RSPH10B2: variants seen among roughly 807,000 people sequenced by gnomAD.
RSPH10B2 encodes the protein radial spoke head 10 homolog B2 (Chlamydomonas).
A neutral mutation model predicts 49.0 loss-of-function variants in RSPH10B2; 9 were observed. That is an observed-to-expected ratio of 0.18 (90% CI 0.11 to 0.32). The LOEUF is 0.32. Ranked by LOEUF, RSPH10B2 falls within the 10% of genes least tolerant of loss-of-function variation. The pLI, the probability that RSPH10B2 is intolerant of heterozygous loss-of-function variation, is 1.00. For missense variants in RSPH10B2, 95 were observed against 589.9 expected (o/e 0.16, Z 8.69); for synonymous variants, 35 against 210.2 (o/e 0.17, Z 7.21).
At chr7:6,797,499 G>A (rs1341721755) in intron 18 of RSPH10B2, among the ~76,000 whole-genome samples, 2 of 152,206 alleles carry the variant, frequency 1.3e-5, no homozygotes, top group Non-Finnish European at 2.9e-5. Context: ...AGGGAGAGGG[G>A]CTGGAGATTG....
chr7:6,797,023 T>A lies in RSPH10B2; in HGVS notation c.2432+257T>A, dbSNP rs575345140. The A allele has an allele frequency of 1.7e-4, 62 of 366,914 alleles. 11 individuals carry two copies. In the East Asian group the frequency reaches 3.8e-3, roughly 23 times the overall value. The allele number at this position is 366,914 out of a possible 1,614,324, so 22.7% of individuals were successfully genotyped here. A position where few individuals can be genotyped will look rare whatever the true frequency, so the allele number is the denominator to read the frequency against. ...GGTCTTAGTTTCTAGTTTTATTTTT[T>A]TTTTTTAGACAGGGTCTCACTGTCA... On this transcript the variant is annotated intron_variant, in intron 18 of 18. Coordinates refer to ENST00000297186, the Ensembl canonical transcript of RSPH10B2.
At chr7:6,756,035 A>G (rs1355351542), upstream of RSPH10B2, among the ~76,000 whole-genome samples, 32 of 150,526 alleles carry the variant, frequency 2.1e-4, no homozygotes, top group Non-Finnish European at 3.7e-4. Flanking sequence ...TTTGGAGGCC[A>G]AGGCGGGCAG....
In RSPH10B2 at chr7:6,793,343, C is replaced by T. The variant is rs1410208989; in HGVS notation, c.2233+1346C>T. On this transcript the variant is annotated intron_variant, in intron 17 of 18. Coordinates refer to ENST00000297186, the Ensembl canonical transcript of RSPH10B2. ...CTGGGATTACAGGTGTGAGCCACTG[C>T]GCCTGGCCCTCCCCCTTTTCTGACG... Among the ~76,000 whole-genome samples the T allele has an allele frequency of 4.3e-5, 5 of 116,834 alleles. 1 individual carries two copies. The highest frequency in any genetic ancestry group is 9.5e-5 in the Admixed American group (1 of 10,476). 76.6% of individuals were successfully genotyped at this position (116,834 alleles called of 152,430 possible).
At chr7:6,765,898 C>T in intron 5 of RSPH10B2, 107 bp downstream of exon 7, 1 of 963,412 alleles carries the variant, frequency 1.0e-6, no homozygotes, top group Non-Finnish European at 1.4e-6. Flanking sequence ...TTGCATGGAA[C>T]ATTTTCTCTC....
chr7:6,779,338 AG>A (rs1395750573), intron 10 of RSPH10B2, among the ~76,000 whole-genome samples: 1 of 104,120 alleles, frequency 9.6e-6, no homozygotes, highest in Non-Finnish European at 1.9e-5. Flanking sequence ...TTTTTGGTAG[AG>A]ACAGGGTTTC....
chr7:6,783,000 T>G (rs1293552560), intron 13 of RSPH10B2, among the ~76,000 whole-genome samples: 1 of 130,308 alleles, frequency 7.7e-6, no homozygotes, highest in Non-Finnish European at 1.6e-5. Context: ...CTATACAATG[T>G]TCTCATACTA....
rs1333007292 is a variant in RSPH10B2 at position 6,786,062 on chromosome 7, TAA to T, written c.1866+8_1866+9del. The T allele has an allele frequency of 3.0e-5, 26 of 869,954 alleles. No individual in the cohort carries two copies. The highest frequency in any genetic ancestry group is 4.5e-5 in the Non-Finnish European group (24 of 534,906). The allele number at this position is 869,954 out of a possible 1,614,324, so 53.9% of individuals were successfully genotyped here. A position where few individuals can be genotyped will look rare whatever the true frequency, so the allele number is the denominator to read the frequency against. On this transcript the variant is annotated splice_region_variant and intron_variant, in intron 14 of 18. Transcript: ENST00000297186. ...ACAGCAACTTTGAACCTGAGGTTTGTAAAGAGCCATCACAAATGGTACAGATC... is the reference window on the plus strand; with the variant it reads ...ACAGCAACTTTGAACCTGAGGTTTGTAGAGCCATCACAAATGGTACAGATC...
intron 1 of RSPH10B2, 145 bp from the exon 4 acceptor site, chr7:6,758,939 C>G: frequency 2.1e-6 from 1 of 474,490 alleles, no homozygotes; most frequent in Non-Finnish European, 3.1e-6. Flanking sequence ...CTTCTACTTT[C>G]TAGCTCTGTG....
intron 17 of RSPH10B2, among the ~76,000 whole-genome samples, chr7:6,793,524 C>T (rs1312807533): frequency 8.4e-6 from 1 of 119,020 alleles, no homozygotes; most frequent in Non-Finnish European, 1.7e-5. Flanking sequence ...CATCGGCACA[C>T]ATGTGCTGCA....
intron 13 of RSPH10B2, 80 bp from the exon 16 acceptor site, chr7:6,785,865 CTTAG>C: frequency 2.3e-6 from 3 of 1,326,180 alleles, no homozygotes; most frequent in Non-Finnish European, 2.1e-6. Flanking sequence ...GGTATACTTT[CTTAG>C]TTATTGTATT....
chr7:6,776,927 A>ACACACACACAC (rs770227917), intron 10 of RSPH10B2, among the ~76,000 whole-genome samples: 6 of 128,928 alleles, frequency 4.7e-5, no homozygotes, highest in Non-Finnish European at 9.9e-5. Flanking sequence ...ACACACACAC[A>ACACACACACAC]AAAGGCAGGG....
rs750188511 is a variant in RSPH10B2, at chr7:6,786,349, A to AT, written c.1866+307dup. ...AGGCGCCCGCCACCACGCCCGGCTA[A>AT]TTTTTTTTTTTTTTGTATTTTTTTT... On this transcript the variant is annotated intron_variant, in intron 14 of 18. Transcript: ENST00000297186. Among the ~76,000 whole-genome samples, 295 of 105,110 alleles carry AT rather than the reference A, an allele frequency of 2.8e-3. 8 individuals carry two copies. The highest frequency in any genetic ancestry group is 3.3e-3 in the Admixed American group (32 of 9,574). The allele number at this position is 105,110 out of a possible 152,430, so 69.0% of individuals were successfully genotyped here.
chr7:6,794,073 TACTC>T (rs1435517561), intron 17 of RSPH10B2: 2 of 107,624 alleles, frequency 1.9e-5, no homozygotes, highest in Non-Finnish European at 4.1e-5. Flanking sequence ...GCTGTGTACA[TACTC>T]ACCTTTGCTG....
rs369307253 is a variant in RSPH10B2 at position 6,786,701 on chromosome 7, G to A, written c.1867-177G>A. 7.0e-4 allele frequency among the ~76,000 whole-genome samples: 97 copies of A among 138,960 alleles called. 2 individuals are homozygous for A. The highest frequency in any genetic ancestry group is 1.2e-3 in the Admixed American group (17 of 13,758). 91.2% of individuals were successfully genotyped at this position (138,960 alleles called of 152,430 possible). A position where few individuals can be genotyped will look rare whatever the true frequency, so the allele number is the denominator to read the frequency against. ...ACAAGTACCTAATATATGTGTGTGC[G>A]TGTCTGTGCGTGTGTGTGCATGTGT... On this transcript the variant is annotated intron_variant, in intron 14 of 18. Transcript: ENST00000297186.
intron 12 of RSPH10B2, among the ~76,000 whole-genome samples, chr7:6,781,096 G>A (rs1416085590): frequency 1.8e-5 from 2 of 112,886 alleles, no homozygotes; most frequent in African/African-American, 6.9e-5. Context: ...AAATTAGCCA[G>A]GTATGGTGGT....
chr7:6,758,348 G>T (rs1781148183), intron 1 of RSPH10B2, among the ~76,000 whole-genome samples: 1 of 147,850 alleles, frequency 6.8e-6, no homozygotes, highest in Non-Finnish European at 1.5e-5. Context: ...GTGCAGGTTT[G>T]TTACATGGGC....
chr7:6,768,357 G>A (rs1781532608), intron 6 of RSPH10B2, among the ~76,000 whole-genome samples: 1 of 152,290 alleles, frequency 6.6e-6, no homozygotes, highest in African/African-American at 2.4e-5. Context: ...TGAGGGGTAG[G>A]TGTCATTTCT....
chr7:6,755,953 A>AC (rs1166804740), upstream of RSPH10B2, among the ~76,000 whole-genome samples: 362 of 141,584 alleles, frequency 2.6e-3, 1 homozygote, highest in African/African-American at 9.8e-3. Context: ...AAAAAAAAAA[A>AC]AAACAAACCC....
Position 6,758,973 on chromosome 7 carries a change from T to A in RSPH10B2, c.255-111T>A, listed in dbSNP as rs867906681. 1,604 of 622,654 alleles carry A rather than the reference T, an allele frequency of 2.6e-3. 15 individuals are homozygous for A. The African/African-American group carries it at 0.026, about 10-fold the overall frequency. The allele number at this position is 622,654 out of a possible 1,614,324, so 38.6% of individuals were successfully genotyped here. ...TGTATATATATATATATATATATTT[T>A]TTTTTTTTCTGACTTCATTCTTCCC... On this transcript the variant is annotated intron_variant, in intron 1 of 18. Coordinates refer to ENST00000297186, the Ensembl canonical transcript of RSPH10B2.
Sources: gnomAD v4.1 joint callset for allele counts (sites outside exome capture counted in the v4.1 genomes callset) on GRCh38, gnomAD v4.1.1 for gene constraint, MANE v1.5 for transcripts, NCBI Gene and HGNC (gene_info 2026-07-23, HGNC 2026-07-21) for gene names.